Variants in FUT8 observed in about 807,000 individuals in gnomAD.
The protein encoded by FUT8 is fucosyltransferase 8, also known as alpha-(1,6)-fucosyltransferase.
In FUT8, 29 loss-of-function variants were observed where a neutral mutation model predicts 71.3. That is an observed-to-expected ratio of 0.41 (90% CI 0.30 to 0.55). The LOEUF (loss-of-function observed/expected upper bound fraction) is 0.55, where lower values mean the gene tolerates loss of function less well. Ranked by LOEUF, FUT8 falls within the 20% of genes least tolerant of loss-of-function variation. FUT8 has a pLI of 0.34. For synonymous variants in FUT8, 254 were observed against 239.3 expected (o/e 1.06, Z -0.57); for missense variants, 544 against 702.1 (o/e 0.77, Z 2.55).
At chr14:65,528,724 C>G (rs1301843257) in intron 2 of FUT8, 1 of 152,164 alleles carries the variant, frequency 6.6e-6, no homozygotes, top group East Asian at 1.9e-4. Flanking sequence ...ATAAGATACA[C>G]AGAAGACTGG....
At chr14:65,546,052 A>C (rs1479506428) in intron 2 of FUT8, among the ~76,000 whole-genome samples, 1 of 151,862 alleles carries the variant, frequency 6.6e-6, no homozygotes, top group African/African-American at 2.4e-5. Flanking sequence ...AATTATAGTC[A>C]CAAAATAGGG....
In FUT8 at chr14:65,413,092, G is replaced by C. The variant is rs1450349688; in HGVS notation, c.-448G>C. 1 of 152,960 alleles carries C rather than the reference G, an allele frequency of 6.5e-6. No homozygotes were observed. Among genetic ancestry groups the C allele is most frequent in the Non-Finnish European group, 1.5e-5 (1 of 68,308 alleles). The allele number at this position is 152,960 out of a possible 1,614,324, so 9.5% of individuals were successfully genotyped here. ...CCGTTTCTTCCTCTCCGTTCGGTCGGGAGTAGCATCCTCCACTCAGCCACC... is the reference window on the plus strand; with the variant it reads ...CCGTTTCTTCCTCTCCGTTCGGTCGCGAGTAGCATCCTCCACTCAGCCACC... On this transcript the variant is annotated 5_prime_UTR_variant, in exon 1 of 11. Coordinates refer to ENST00000673929, the MANE Select transcript of FUT8 (RefSeq NM_001371533.1). The surrounding 1 kb of genome is among the most constrained non-coding windows in gnomAD (Gnocchi z 4.1).
At chr14:65,459,084 C>T (rs978277090) in intron 2 of FUT8, among the ~76,000 whole-genome samples, 2 of 152,076 alleles carry the variant, frequency 1.3e-5, no homozygotes, top group African/African-American at 2.4e-5. Flanking sequence ...GCACTGTGCC[C>T]GGTCAGAGAA....
chr14:65,484,490 A>G (rs2066379482), intron 2 of FUT8, among the ~76,000 whole-genome samples: 1 of 152,066 alleles, frequency 6.6e-6, no homozygotes. Context: ...AATGTGTTGA[A>G]ATGATCCCAT....
At chr14:65,562,339 A>G (rs1885958757) in intron 3 of FUT8, among the ~76,000 whole-genome samples, 1 of 152,160 alleles carries the variant, frequency 6.6e-6, no homozygotes, top group Non-Finnish European at 1.5e-5. Context: ...AGGCTGAGTT[A>G]GTCTAACTAG....
intron 2 of FUT8, chr14:65,468,019 C>T: frequency 1.5e-6 from 1 of 681,416 alleles, no homozygotes; most frequent in South Asian, 1.5e-5. Flanking sequence ...TCAATACGCA[C>T]ATTAATTCTC....
chr14:65,609,778 C>A (rs1178749417), intron 3 of FUT8, among the ~76,000 whole-genome samples: 1 of 151,866 alleles, frequency 6.6e-6, no homozygotes, highest in Non-Finnish European at 1.5e-5. Flanking sequence ...GTCTTAATAT[C>A]AGATGGTGTT....
At chr14:65,658,202 A>G (rs1009052172) in intron 6 of FUT8, among the ~76,000 whole-genome samples, 2 of 152,194 alleles carry the variant, frequency 1.3e-5, no homozygotes, top group Admixed American at 6.5e-5. Context: ...AAATAAGCAC[A>G]TGAAAAATGT....
intron 7 of FUT8, among the ~76,000 whole-genome samples, chr14:65,688,743 A>G (rs974449099): frequency 6.6e-6 from 1 of 152,132 alleles, no homozygotes; most frequent in African/African-American, 2.4e-5. Flanking sequence ...AGATTGCTGG[A>G]TCATATGGCA....
chr14:65,640,525 A>G (rs985187821), intron 6 of FUT8, among the ~76,000 whole-genome samples: 5 of 152,144 alleles, frequency 3.3e-5, no homozygotes, highest in African/African-American at 1.2e-4. Context: ...CTTTCATACA[A>G]AAGTAGAAAT....
At chr14:65,528,185 G>T (rs990066347) in intron 2 of FUT8, among the ~76,000 whole-genome samples, 1 of 152,178 alleles carries the variant, frequency 6.6e-6, no homozygotes, top group African/African-American at 2.4e-5. Flanking sequence ...CTTGAGCTGC[G>T]GTGGACTCCA....
chr14:65,479,524 TG>T (rs2066297263), intron 2 of FUT8, among the ~76,000 whole-genome samples: 1 of 152,150 alleles, frequency 6.6e-6, no homozygotes, highest in African/African-American at 2.4e-5. Context: ...CATAATTTAC[TG>T]ATGTCTGCAT....
intron 3 of FUT8, among the ~76,000 whole-genome samples, chr14:65,601,622 C>T (rs1888291837): frequency 6.6e-6 from 1 of 152,020 alleles, no homozygotes; most frequent in African/African-American, 2.4e-5. Context: ...GTAACCATGA[C>T]TAAAAATTTA....
At chr14:65,731,887 T>C (rs1594947418) in intron 9 of FUT8, among the ~76,000 whole-genome samples, 1 of 152,194 alleles carries the variant, frequency 6.6e-6, no homozygotes, top group East Asian at 1.9e-4. Flanking sequence ...TGATCACTCC[T>C]TTGTTTCACT....
the FUT8 span, among the ~76,000 whole-genome samples, chr14:65,357,416 C>A: frequency 6.6e-6 from 1 of 152,164 alleles, no homozygotes; most frequent in East Asian, 1.9e-4. Flanking sequence ...TCTCAGCTTC[C>A]CTGGGAGGGG....
At chr14:65,396,944 C>A in the FUT8 span, among the ~76,000 whole-genome samples, 254 of 152,272 alleles carry the variant, frequency 1.7e-3, 2 homozygotes, top group Middle Eastern at 0.01. The surrounding 1 kb of genome is among the most constrained non-coding windows in gnomAD (Gnocchi z 5.5). Flanking sequence ...CTCTTTGACT[C>A]AAATGATCCT....
At chr14:65,692,518 CA>C (rs1392016193) in intron 7 of FUT8, among the ~76,000 whole-genome samples, 27 of 108,366 alleles carry the variant, frequency 2.5e-4, no homozygotes, top group Admixed American at 3.4e-4. Context: ...ACCCCCCCCC[CA>C]CCTCCCTCCC....
intron 9 of FUT8, among the ~76,000 whole-genome samples, 196 bp downstream of exon 9, chr14:65,724,519 A>G (rs1259731477): frequency 6.6e-5 from 10 of 152,234 alleles, no homozygotes; most frequent in Admixed American, 5.9e-4. Flanking sequence ...ATAATGCCTT[A>G]TAAGAAGTCT....
chr14:65,479,791 T>C (rs2066301446), intron 2 of FUT8: 2 of 152,162 alleles, frequency 1.3e-5, no homozygotes, highest in Non-Finnish European at 2.9e-5. Flanking sequence ...AAAGGTGGGG[T>C]AATTTTGATT....
Sources: allele counts gnomAD v4.1 joint callset (sites outside exome capture counted in the v4.1 genomes callset), GRCh38; gene constraint gnomAD v4.1.1; non-coding constraint Gnocchi (gnomAD v3.1); transcripts MANE v1.5; gene names NCBI Gene and HGNC (gene_info 2026-07-23, HGNC 2026-07-21).